The following CDH13 variants were observed in gnomAD, a reference collection of about 807,000 sequenced individuals.
The protein encoded by CDH13 is cadherin 13, also known as cadherin-13.
Under a neutral mutation model 63.8 loss-of-function variants are expected in CDH13, and 24 were observed. That is an observed-to-expected ratio of 0.38 (90% CI 0.27 to 0.53). The LOEUF is 0.53. Among genes scored for constraint, CDH13 ranks in the 20% least tolerant of loss-of-function variants. The probability of loss-of-function intolerance (pLI) is 0.85; values close to 1 mark genes in which losing one functional copy is unlikely to be tolerated. For missense variants in CDH13, 1,049 were observed against 903.1 expected (o/e 1.16, Z -2.07); for synonymous variants, 503 against 355.3 (o/e 1.42, Z -4.67).
At chr16:82,885,868 A>G (rs2040870091) in intron 2 of CDH13, among the ~76,000 whole-genome samples, 1 of 152,160 alleles carries the variant, frequency 6.6e-6, no homozygotes, top group African/African-American at 2.4e-5. Flanking sequence ...TCAGGATTTA[A>G]TGATATAATC....
chr16:83,315,361 G>A (rs1247598346), intron 5 of CDH13, among the ~76,000 whole-genome samples: 1 of 152,186 alleles, frequency 6.6e-6, no homozygotes, highest in Non-Finnish European at 1.5e-5. Flanking sequence ...AGCTTGTACA[G>A]GAGGCAAACA....
intron 5 of CDH13, among the ~76,000 whole-genome samples, chr16:83,277,332 C>G (rs745321125): frequency 2.2e-4 from 34 of 152,138 alleles, no homozygotes; most frequent in Non-Finnish European, 3.5e-4. Context: ...ACTATGTTCT[C>G]CAAAGTATGG....
At chr16:82,796,018 G>C (rs11649094) in intron 1 of CDH13, among the ~76,000 whole-genome samples, 31,546 of 150,460 alleles carry the variant, frequency 0.21, 4,029 homozygotes, top group South Asian at 0.37. Flanking sequence ...TTTTGGGCCT[G>C]GGATACAAAC....
intron 1 of CDH13, among the ~76,000 whole-genome samples, chr16:82,665,506 C>G (rs1912480543): frequency 6.6e-6 from 1 of 152,152 alleles, no homozygotes; most frequent in Non-Finnish European, 1.5e-5. Flanking sequence ...TTCATGGTGA[C>G]TTCATAGAAC....
At chr16:83,434,972 T>TATAA (rs946360923) in intron 6 of CDH13, among the ~76,000 whole-genome samples, 5 of 143,018 alleles carry the variant, frequency 3.5e-5, no homozygotes, top group African/African-American at 1.0e-4. Context: ...GTTTTATTTA[T>TATAA]ATAAATAAAT....
At chr16:83,156,053 C>T (rs531678462) in intron 4 of CDH13, among the ~76,000 whole-genome samples, 82 of 152,206 alleles carry the variant, frequency 5.4e-4, no homozygotes, top group Non-Finnish European at 1.0e-3. Flanking sequence ...TGGTGTGGGT[C>T]TGAAGGCTGG....
chr16:83,714,143 G>A (rs1484527609), intron 10 of CDH13, among the ~76,000 whole-genome samples: 2 of 152,164 alleles, frequency 1.3e-5, no homozygotes, highest in Non-Finnish European at 2.9e-5. Context: ...AGTGAAAATA[G>A]ATGCCGCAGA....
chr16:82,700,242 G>C (rs2030817651), intron 1 of CDH13, among the ~76,000 whole-genome samples: 1 of 152,172 alleles, frequency 6.6e-6, no homozygotes, highest in Non-Finnish European at 1.5e-5. Flanking sequence ...TCCAAGAAGG[G>C]TTTAGAATGT....
intron 1 of CDH13, among the ~76,000 whole-genome samples, chr16:82,786,435 GTTTTTTTT>G (rs36019455): frequency 2.5e-4 from 29 of 118,014 alleles, no homozygotes; most frequent in Non-Finnish European, 2.9e-4. Context: ...TCAGAAAACA[GTTTTTTTT>G]TTTTTTTTTT....
intron 6 of CDH13, among the ~76,000 whole-genome samples, chr16:83,484,427 T>C (rs936993299): frequency 7.2e-5 from 11 of 152,234 alleles, no homozygotes; most frequent in African/African-American, 2.4e-4. Context: ...TAGAAGACTA[T>C]ATTGGGATAA....
chr16:82,851,488 G>T (rs1038805006), intron 1 of CDH13, among the ~76,000 whole-genome samples: 1 of 150,690 alleles, frequency 6.6e-6, no homozygotes, highest in Non-Finnish European at 1.5e-5. Flanking sequence ...CAATGGGACC[G>T]ACGAAACTAA....
chr16:83,379,190 A>T (rs2091511573), intron 6 of CDH13, among the ~76,000 whole-genome samples: 1 of 152,196 alleles, frequency 6.6e-6, no homozygotes, highest in African/African-American at 2.4e-5. Context: ...ATAAGCATGC[A>T]TTCTGCATCT....
chr16:83,378,150 C>T (rs2151412024), intron 6 of CDH13, among the ~76,000 whole-genome samples: 1 of 152,280 alleles, frequency 6.6e-6, no homozygotes, highest in Non-Finnish European at 1.5e-5. Flanking sequence ...ACGATTTATC[C>T]AGCCTTTGCT....
intron 2 of CDH13, among the ~76,000 whole-genome samples, chr16:82,910,106 C>T (rs1597193109): frequency 1.3e-5 from 2 of 152,294 alleles, no homozygotes; most frequent in South Asian, 4.1e-4. Flanking sequence ...TTACGCATCC[C>T]ATCAAATGCC....
chr16:83,063,980 T>C (rs973365404), intron 3 of CDH13, among the ~76,000 whole-genome samples: 1 of 152,132 alleles, frequency 6.6e-6, no homozygotes, highest in Non-Finnish European at 1.5e-5. Context: ...ATGAAAAATT[T>C]GTAAGATGTC....
intron 2 of CDH13, among the ~76,000 whole-genome samples, chr16:82,950,895 C>T (rs1030292453): frequency 6.7e-6 from 1 of 149,552 alleles, no homozygotes; most frequent in Non-Finnish European, 1.5e-5. Context: ...CACAAAAGAG[C>T]ATCTGATCAT....
In CDH13 at chr16:83,003,646, G is replaced by T. The variant is rs542997569; in HGVS notation, c.158-28364G>T. Among the ~76,000 whole-genome samples, 25 of 152,292 alleles carry T rather than the reference G, an allele frequency of 1.6e-4. 1 individual carries two copies. The highest frequency in any genetic ancestry group is 1.4e-3 in the Admixed American group (21 of 15,298). On this transcript the variant is annotated intron_variant, in intron 2 of 13. Coordinates refer to ENST00000567109, the MANE Select transcript of CDH13 (RefSeq NM_001257.5). ...ATCATGTCCTGGAATGTTACAGAAA[G>T]CAGTAATGGAGAGACAGGTGGATGA...
chr16:83,170,272 A>G (rs1228178905), intron 4 of CDH13, among the ~76,000 whole-genome samples: 1 of 152,106 alleles, frequency 6.6e-6, no homozygotes, highest in Non-Finnish European at 1.5e-5. Context: ...TCTAGAAAAA[A>G]AATGTGATCA....
Position 83,461,915 on chromosome 16 carries a change from G to A in CDH13, c.782-24562G>A, listed in dbSNP as rs1003166048. Among the ~76,000 whole-genome samples the A allele has an allele frequency of 3.3e-5, 5 of 152,282 alleles. No individual in the cohort carries two copies. In the South Asian group the frequency reaches 1.0e-3, roughly 32 times the overall value. The stretch of plus-strand genomic sequence containing the variant: ...CAGAAAGCAGTGGCCTGCCTTGTAA[G>A]GTATGAGCTCAGGTCCCTGGATGTG... On this transcript the variant is annotated intron_variant, in intron 6 of 13. Transcript: ENST00000567109.
Sources: allele counts gnomAD v4.1 joint callset (sites outside exome capture counted in the v4.1 genomes callset), GRCh38; gene constraint gnomAD v4.1.1; transcripts MANE v1.5; gene names NCBI Gene and HGNC (gene_info 2026-07-23, HGNC 2026-07-21).